Variants in JCAD observed in about 807,000 individuals in gnomAD.
JCAD encodes the protein junctional cadherin 5 associated, also known as junctional cadherin 5-associated protein.
Under a neutral mutation model 98.0 loss-of-function variants are expected in JCAD, and 40 were observed. The ratio of observed to expected loss-of-function variants is 0.41; its 90% CI spans 0.32 to 0.53. The LOEUF (loss-of-function observed/expected upper bound fraction) is 0.53. JCAD is among the 20% of genes least tolerant of loss of function. The pLI is 0.31. For missense variants in JCAD, 1,705 were observed against 1,738.1 expected (o/e 0.98, Z 0.34); for synonymous variants, 691 against 682.3 (o/e 1.01, Z -0.20).
intron 1 of JCAD, among the ~76,000 whole-genome samples, chr10:30,100,085 T>TAA (rs144673275): frequency 0.031 from 4,755 of 152,256 alleles, 231 homozygotes; most frequent in African/African-American, 0.1. Context: ...GTGTCAGGGA[T>TAA]AAGAACCCCT....
At chr10:30,018,828 A>T (rs1044764471) in intron 3 of JCAD, among the ~76,000 whole-genome samples, 1 of 152,206 alleles carries the variant, frequency 6.6e-6, no homozygotes, top group Non-Finnish European at 1.5e-5. Flanking sequence ...TGGAAGGAGT[A>T]CAGCCATTAT....
chr10:30,038,365 A>G (rs906719987), intron 2 of JCAD, among the ~76,000 whole-genome samples: 6 of 152,062 alleles, frequency 3.9e-5, no homozygotes, highest in Non-Finnish European at 7.4e-5. Flanking sequence ...ATTGATGTGG[A>G]CCACTGACCA....
intron 1 of JCAD, among the ~76,000 whole-genome samples, chr10:30,052,110 T>C (rs1029467885): frequency 1.3e-5 from 2 of 152,230 alleles, no homozygotes; most frequent in African/African-American, 4.8e-5. Context: ...ATGGTGTCTA[T>C]TCAAATGGAA....
intron 3 of JCAD, among the ~76,000 whole-genome samples, chr10:30,018,306 T>TTTTG: frequency 6.6e-6 from 1 of 152,048 alleles, no homozygotes; most frequent in South Asian, 2.1e-4. Context: ...CTTTTTTTTT[T>TTTTG]TTTGGTAAAT....
intron 2 of JCAD, among the ~76,000 whole-genome samples, chr10:30,039,393 T>C (rs1289446879): frequency 6.6e-6 from 1 of 152,190 alleles, no homozygotes; most frequent in Admixed American, 6.5e-5. Context: ...TCCCACCTGA[T>C]GGGTGGGCAG....
intron 1 of JCAD, among the ~76,000 whole-genome samples, chr10:30,051,495 A>T (rs987284426): frequency 6.6e-6 from 1 of 152,236 alleles, no homozygotes; most frequent in Non-Finnish European, 1.5e-5. Flanking sequence ...AGCCTGCTGT[A>T]TGAAACTGAA....
rs1336621547 is a variant in JCAD, at chr10:30,015,852, G to C, written c.*2031C>G. 3 of 152,112 alleles carry C rather than the reference G, an allele frequency of 2.0e-5. No individual in the cohort carries two copies. The highest frequency in any genetic ancestry group is 4.4e-5 in the Non-Finnish European group (3 of 68,026). 9.4% of individuals were successfully genotyped at this position (152,112 alleles called of 1,614,324 possible). A position where few individuals can be genotyped will look rare whatever the true frequency, so the allele number is the denominator to read the frequency against. On this transcript the variant is annotated 3_prime_UTR_variant, in exon 4 of 4. Coordinates refer to ENST00000375377, the MANE Select transcript of JCAD (RefSeq NM_020848.4). Reference sequence around the variant, plus strand: ...CCTTCTTACGTTTGCATTTAAAGAGGGAAGACCCCACAAAGACCTCCAGGC... The same window carrying C: ...CCTTCTTACGTTTGCATTTAAAGAGCGAAGACCCCACAAAGACCTCCAGGC...
chr10:30,052,771 G>T (rs192729306), intron 1 of JCAD, among the ~76,000 whole-genome samples: 62 of 152,234 alleles, frequency 4.1e-4, no homozygotes, highest in African/African-American at 1.3e-3. Context: ...GCGATGCTAT[G>T]GTCTAGGTGG....
chr10:30,113,326 G>A (rs1378844810), intron 1 of JCAD, among the ~76,000 whole-genome samples: 1 of 151,860 alleles, frequency 6.6e-6, no homozygotes, highest in African/African-American at 2.4e-5. Context: ...CAAAGCCAGT[G>A]GATCACCTGA....
At chr10:30,086,163 TA>T (rs1459841367) in intron 1 of JCAD, among the ~76,000 whole-genome samples, 1 of 152,058 alleles carries the variant, frequency 6.6e-6, no homozygotes, top group African/African-American at 2.4e-5. Context: ...AGGATTTTCC[TA>T]AAAAAAGGAA....
intron 1 of JCAD, among the ~76,000 whole-genome samples, chr10:30,094,008 G>T (rs528870347): frequency 1.3e-5 from 2 of 152,086 alleles, no homozygotes; most frequent in Non-Finnish European, 2.9e-5. Flanking sequence ...CACTTTGCTC[G>T]GCTCATGAGG....
At chr10:30,096,539 G>A (rs935055596) in intron 1 of JCAD, among the ~76,000 whole-genome samples, 4 of 151,826 alleles carry the variant, frequency 2.6e-5, no homozygotes, top group African/African-American at 9.7e-5. Flanking sequence ...TTCAGCTGAA[G>A]TATCTTCGAT....
intron 1 of JCAD, among the ~76,000 whole-genome samples, chr10:30,078,315 C>T: frequency 6.6e-6 from 1 of 152,188 alleles, no homozygotes; most frequent in East Asian, 1.9e-4. Flanking sequence ...CCACACAGCA[C>T]AGACTGATTG....
chr10:30,062,693 A>C (rs565511214), upstream of JCAD, among the ~76,000 whole-genome samples: 7 of 152,204 alleles, frequency 4.6e-5, no homozygotes, highest in African/African-American at 9.7e-5. Context: ...ACGTGGCAGC[A>C]GGCAAGAGGG....
chr10:30,092,048 AAAAAAAAAAAAAAAAAAT>A (rs1275880602), intron 1 of JCAD, among the ~76,000 whole-genome samples: 22 of 30,230 alleles, frequency 7.3e-4, no homozygotes, highest in African/African-American at 1.1e-3. Context: ...AAAAAAAAAA[AAAAAAAAAAAAAAAAAAT>A]ATATATATAT....
intron 1 of JCAD, among the ~76,000 whole-genome samples, chr10:30,050,330 A>G (rs1055074761): frequency 6.7e-6 from 1 of 150,272 alleles, no homozygotes; most frequent in African/African-American, 2.4e-5. Context: ...AAAAAAAAAA[A>G]AAAAAAAAAA....
chr10:30,061,578 G>GCTA (rs1564459529), upstream of JCAD, among the ~76,000 whole-genome samples: 10 of 151,736 alleles, frequency 6.6e-5, no homozygotes, highest in Admixed American at 5.9e-4. Flanking sequence ...GAAAATAGTA[G>GCTA]CTACTACCAT....
intron 1 of JCAD, among the ~76,000 whole-genome samples, chr10:30,103,971 G>C (rs73598356): frequency 0.026 from 4,015 of 152,178 alleles, 152 homozygotes; most frequent in African/African-American, 0.087. Context: ...AAGTGCTATG[G>C]CAAAGGCACA....
Position 30,026,734 on chromosome 10 carries a change from G to A in JCAD, c.3414C>T (p.Pro1138=), listed in dbSNP as rs561940722. The A allele has an allele frequency of 1.2e-6, 2 of 1,614,116 alleles. No homozygotes were observed. Among genetic ancestry groups the A allele is most frequent in the African/African-American group, 1.3e-5 (1 of 75,056 alleles). ...CATAAAAGGCATCAGTGGACACCCT[G>A]GGGACATCTGCCGGTGCTGGGCGAG... ...LLSRPAPADV[P]RVSTDAFYGR... Residue 1138 remains proline (P), a synonymous_variant, in exon 3 of 4, where the codon CCC becomes CCT. Transcript: ENST00000375377.
Sources: allele counts gnomAD v4.1 joint callset (sites outside exome capture counted in the v4.1 genomes callset), GRCh38; gene constraint gnomAD v4.1.1; transcripts MANE v1.5; gene names NCBI Gene and HGNC (gene_info 2026-07-23, HGNC 2026-07-21).